Variants in GAB2 observed in about 807,000 individuals in gnomAD.
GAB2 encodes the protein GRB2 associated binding protein 2.
A neutral mutation model predicts 65.5 loss-of-function variants in GAB2; 26 were observed. That is an observed-to-expected ratio of 0.40 (90% CI 0.29 to 0.55). The LOEUF is 0.55. Among genes scored for constraint, GAB2 ranks in the 20% least tolerant of loss-of-function variants. The pLI is 0.53. For synonymous variants in GAB2, 321 were observed against 329.6 expected (o/e 0.97, Z 0.28); for missense variants, 884 against 875.8 (o/e 1.01, Z -0.12).
chr11:78,325,166 T>C lies in GAB2; in HGVS notation c.76-44265A>G, dbSNP rs572603480. Among the ~76,000 whole-genome samples, 170 of 152,352 alleles carry C rather than the reference T, an allele frequency of 1.1e-3. 1 individual carries two copies. The South Asian group carries it at 0.011, about 10-fold the overall frequency. On this transcript the variant is annotated intron_variant, in intron 1 of 9. Coordinates refer to ENST00000361507, the MANE Select transcript of GAB2 (RefSeq NM_080491.3). Reference sequence around the variant, plus strand: ...TTTGTCAAGTCCCATCCAAGTTCTATCTACTGATTTTAGTTGCCTGGAAGG... The same window carrying C: ...TTTGTCAAGTCCCATCCAAGTTCTACCTACTGATTTTAGTTGCCTGGAAGG...
intron 1 of GAB2, among the ~76,000 whole-genome samples, chr11:78,412,041 A>G (rs1225114007): frequency 6.6e-6 from 1 of 151,380 alleles, no homozygotes; most frequent in Non-Finnish European, 1.5e-5. Flanking sequence ...AAACAACAAC[A>G]ACAACAACAA....
chr11:78,300,698 T>TG (rs1565149755), intron 1 of GAB2, among the ~76,000 whole-genome samples: 4 of 141,334 alleles, frequency 2.8e-5, no homozygotes, highest in African/African-American at 5.5e-5. Flanking sequence ...TTTTTTTGTT[T>TG]TTTTTTTTTT....
At chr11:78,322,320 A>AAAAAAAAAAAAAAAAAAAAAAAAAAAAC (rs1855741585) in intron 1 of GAB2, among the ~76,000 whole-genome samples, 1 of 148,658 alleles carries the variant, frequency 6.7e-6, no homozygotes, top group Non-Finnish European at 1.5e-5. Flanking sequence ...AAAAAAAAAA[A>AAAAAAAAAAAAAAAAAAAAAAAAAAAAC]AAAAAAAAGT....
chr11:78,416,430 G>A (rs1310767386), intron 1 of GAB2, among the ~76,000 whole-genome samples: 1 of 152,230 alleles, frequency 6.6e-6, no homozygotes, highest in Non-Finnish European at 1.5e-5. Context: ...GGGGAGCCAA[G>A]ACAGGAAATT....
chr11:78,221,347 G>A (rs1356818549), intron 8 of GAB2, among the ~76,000 whole-genome samples: 3 of 152,182 alleles, frequency 2.0e-5, no homozygotes. Flanking sequence ...CCACTGAGGA[G>A]ATACCTCCAC....
chr11:78,411,743 AC>A (rs201344155), intron 1 of GAB2, among the ~76,000 whole-genome samples: 3 of 151,998 alleles, frequency 2.0e-5, no homozygotes, highest in African/African-American at 7.3e-5. Context: ...AAAAAAAAAA[AC>A]CAGGAAAGCC....
chr11:78,313,936 T>C (rs1240017511), intron 1 of GAB2, among the ~76,000 whole-genome samples: 1 of 152,136 alleles, frequency 6.6e-6, no homozygotes, highest in African/African-American at 2.4e-5. Context: ...AGAGAGCACA[T>C]GAAAGACTAC....
chr11:78,308,509 G>C (rs1277089611), intron 1 of GAB2, among the ~76,000 whole-genome samples: 3 of 152,196 alleles, frequency 2.0e-5, no homozygotes, highest in Non-Finnish European at 4.4e-5. Flanking sequence ...TTTGAACTTA[G>C]CATCTATGTG....
At chr11:78,415,706 T>C (rs115826312) in intron 1 of GAB2, among the ~76,000 whole-genome samples, 2,722 of 152,262 alleles carry the variant, frequency 0.018, 84 homozygotes, top group African/African-American at 0.061. Context: ...ACGACTAGAT[T>C]CGTTCAAATC....
intron 1 of GAB2, among the ~76,000 whole-genome samples, chr11:78,316,985 C>T (rs1036321153): frequency 1.3e-5 from 2 of 152,188 alleles, no homozygotes; most frequent in African/African-American, 2.4e-5. Context: ...ACACATGCTA[C>T]AGCAGGGATG....
chr11:78,226,752 C>A lies in GAB2; in HGVS notation c.920G>T (p.Gly307Val), dbSNP rs748618528. 19 of 1,613,940 alleles carry A rather than the reference C, an allele frequency of 1.2e-5. No homozygotes were observed. The highest frequency in any genetic ancestry group is 3.3e-5 in the South Asian group (3 of 91,080). ...ATCCATATTGTCTACCAGGAGGTCC[C>A]CGAACTCCCTGCACAGGGTGTTGCT... ...TPSNTLCREF[G>V]DLLVDNMDVP... The change falls in exon 4 of 10, where the codon GGG becomes GTG. Residue 307 changes from glycine (G) to valine (V), a missense_variant. By Grantham distance (109) the Gly-to-Val change is moderately radical (BLOSUM62 -3). Coordinates refer to ENST00000361507, the MANE Select transcript of GAB2 (RefSeq NM_080491.3).
At chr11:78,238,884 G>A (rs1865057571) in intron 3 of GAB2, among the ~76,000 whole-genome samples, 1 of 151,944 alleles carries the variant, frequency 6.6e-6, no homozygotes, top group Admixed American at 6.6e-5. Context: ...ATCTGCTAAG[G>A]GTTTAATATA....
intron 3 of GAB2, among the ~76,000 whole-genome samples, chr11:78,240,016 C>T (rs750527241): frequency 1.3e-5 from 2 of 151,866 alleles, no homozygotes; most frequent in Non-Finnish European, 2.9e-5. Flanking sequence ...ACACCCTTCC[C>T]AGGGGGGTCA....
At chr11:78,276,209 A>C (rs1866166719) in intron 2 of GAB2, among the ~76,000 whole-genome samples, 1 of 151,758 alleles carries the variant, frequency 6.6e-6, no homozygotes, top group African/African-American at 2.4e-5. Flanking sequence ...CTGAGGTGGG[A>C]ACGCTGCTTG....
intron 1 of GAB2, among the ~76,000 whole-genome samples, chr11:78,351,032 C>G (rs572346909): frequency 1.3e-5 from 2 of 152,268 alleles, no homozygotes; most frequent in South Asian, 4.1e-4. Context: ...GAAACAGACT[C>G]GCAGGACTTT....
At chr11:78,348,886 C>A (rs1404833801) in intron 1 of GAB2, among the ~76,000 whole-genome samples, 1 of 152,210 alleles carries the variant, frequency 6.6e-6, no homozygotes, top group African/African-American at 2.4e-5. Flanking sequence ...TGGATACATG[C>A]AACAACATGG....
chr11:78,283,027 T>C (rs759018082), intron 1 of GAB2, among the ~76,000 whole-genome samples: 6 of 152,220 alleles, frequency 3.9e-5, no homozygotes, highest in African/African-American at 1.2e-4. Flanking sequence ...CATATGACCA[T>C]GCTGACTGGT....
chr11:78,380,530 C>G (rs1856684650), intron 1 of GAB2, among the ~76,000 whole-genome samples: 1 of 152,158 alleles, frequency 6.6e-6, no homozygotes, highest in East Asian at 1.9e-4. Context: ...ATGACAAAGA[C>G]TCCCTAATAG....
chr11:78,269,216 G>C (rs2134562039), intron 2 of GAB2, among the ~76,000 whole-genome samples: 1 of 152,228 alleles, frequency 6.6e-6, no homozygotes, highest in East Asian at 1.9e-4. Flanking sequence ...AGGAGTCTCA[G>C]CCTGGGGAGA....
Sources: allele counts gnomAD v4.1 joint callset (sites outside exome capture counted in the v4.1 genomes callset), GRCh38; gene constraint gnomAD v4.1.1; transcripts MANE v1.5; gene names NCBI Gene and HGNC (gene_info 2026-07-23, HGNC 2026-07-21).